The following MS4A5 variants were observed in gnomAD, a reference collection of about 807,000 sequenced individuals.
MS4A5 encodes membrane spanning 4-domains A5, also known as membrane-spanning 4-domains subfamily A member 5.
MS4A5 carries 15 observed loss-of-function variants against 18.2 expected under a neutral mutation model. The ratio of observed to expected loss-of-function variants is 0.83; its 90% confidence interval spans 0.55 to 1.27. The LOEUF (loss-of-function observed/expected upper bound fraction) is 1.27. Ranked by LOEUF, MS4A5 falls within the 50% of genes most tolerant of loss-of-function variation. The pLI is 0.00. For synonymous variants in MS4A5, 89 were observed against 78.7 expected, an observed-to-expected ratio of 1.13 and a Z score of -0.69; for missense variants, 232 against 225.7, an observed-to-expected ratio of 1.03 and a Z score of -0.18.
chr11:60,447,032 C>T (rs1002979408), intron 4 of MS4A5, among the ~76,000 whole-genome samples: 1 of 151,944 alleles, frequency 6.6e-6, no homozygotes, highest in Non-Finnish European at 1.5e-5. Flanking sequence ...ATATGCTATG[C>T]TATGCTATGC....
chr11:60,447,317 A>G (rs201119415), intron 4 of MS4A5, among the ~76,000 whole-genome samples: 9 of 74,794 alleles, frequency 1.2e-4, no homozygotes, highest in Non-Finnish European at 2.7e-4. Flanking sequence ...GTGCTATGCT[A>G]TGCTATGCTA....
intron 4 of MS4A5, among the ~76,000 whole-genome samples, chr11:60,440,109 A>G (rs1272236797): frequency 7.4e-5 from 8 of 108,770 alleles, no homozygotes; most frequent in South Asian, 3.3e-4. Flanking sequence ...CAGAGCCCTC[A>G]GAAATAACGC....
chr11:60,430,701 AT>A, intron 1 of MS4A5, 94 bp from the exon 2 acceptor site: 2 of 1,445,524 alleles, frequency 1.4e-6, no homozygotes, highest in Non-Finnish European at 1.9e-6. Flanking sequence ...AAAGAGAGTA[AT>A]TGCCAAATCC....
At chr11:60,430,330 A>G (rs1214234005) in intron 1 of MS4A5, among the ~76,000 whole-genome samples, 2 of 152,108 alleles carry the variant, frequency 1.3e-5, no homozygotes, top group Non-Finnish European at 2.9e-5. Context: ...CAAGAGGCTC[A>G]GAGAATTGGC....
At chr11:60,430,966 C>G (rs1565186057) in intron 2 of MS4A5, 42 bp downstream of exon 2, 1 of 1,587,416 alleles carries the variant, frequency 6.3e-7, no homozygotes, top group South Asian at 1.2e-5. Context: ...CCATGCCAAC[C>G]AGGATGTTAG....
chr11:60,435,454 C>G (rs892804892), intron 4 of MS4A5: 42 of 427,052 alleles, frequency 9.8e-5, no homozygotes, highest in Middle Eastern at 6.6e-4. Context: ...GGAACAGCTC[C>G]GGTCTACAGC....
chr11:60,444,059 C>G (rs1404662249), intron 4 of MS4A5, among the ~76,000 whole-genome samples: 1 of 152,122 alleles, frequency 6.6e-6, no homozygotes, highest in Non-Finnish European at 1.5e-5. Context: ...AGAAAAGAAA[C>G]AACACCAAAC....
chr11:60,435,771 G>A (rs910152073), intron 4 of MS4A5, among the ~76,000 whole-genome samples: 14 of 152,092 alleles, frequency 9.2e-5, no homozygotes, highest in South Asian at 2.1e-4. Context: ...CACCTGGCTC[G>A]GAGGGTCCTA....
rs143493784 is a variant in MS4A5, at chr11:60,433,637, T to C, written c.340-128T>C. 1,044 of 838,826 alleles carry C rather than the reference T, an allele frequency of 1.2e-3. 3 individuals carry two copies. The highest frequency in any genetic ancestry group is 1.9e-3 in the Non-Finnish European group (970 of 524,236). The allele number at this position is 838,826 out of a possible 1,614,324, so 52.0% of individuals were successfully genotyped here. The stretch of plus-strand genomic sequence containing the variant: ...AAGATGTGAAGCAATTCGCACAGGA[T>C]CACAGAGCTGCCTCGTGGCATTAAG... On this transcript the variant is annotated intron_variant, in intron 3 of 4. Transcript: ENST00000300190.
chr11:60,430,663 G>A (rs2282524), intron 1 of MS4A5, 133 bp from the exon 2 acceptor site: 33,443 of 970,636 alleles, frequency 0.034, 1,916 homozygotes, highest in East Asian at 0.24. Context: ...ATCATAAAGG[G>A]ACTTCTATTA....
At position 60,430,924 on chromosome 11, in the gene MS4A5, G is replaced by T. The variant is rs1297269405; in HGVS notation, c.282G>T (p.Leu94Phe). The change falls in exon 2 of 5, where the codon TTG (leucine) becomes TTT (phenylalanine). Residue 94 changes from leucine (L) to phenylalanine (F), a missense_variant and splice_region_variant. Leu to Phe is a conservative substitution (Grantham distance 22). Coordinates refer to ENST00000300190, the MANE Select transcript of MS4A5 (RefSeq NM_023945.3). ...LSGYPFWGSV[L>F]FINSGAFLIA... ...GATATCCATTCTGGGGCTCTGTTTT[G>T]GTGAGTATAGTCAATCAAGTTCAAT... 9 of 1,610,114 alleles carry T rather than the reference G, an allele frequency of 5.6e-6. No individual in the cohort carries two copies. Among genetic ancestry groups the T allele is most frequent in the Non-Finnish European group, 7.6e-6 (9 of 1,179,320 alleles).
intron 1 of MS4A5, 111 bp from the exon 2 acceptor site, chr11:60,430,685 A>G (rs1236572747): frequency 4.0e-6 from 5 of 1,244,888 alleles, no homozygotes; most frequent in Non-Finnish European, 5.7e-6. Flanking sequence ...TCTTCCCCTA[A>G]TTACCAAAGA....
rs74594524 is a variant in MS4A5 at position 60,447,688 on chromosome 11, T to G, written c.532T>G (p.Leu178Val). The change falls in exon 5 of 5, where the codon TTA (leucine) becomes GTA (valine). Residue 178 changes from leucine to valine, a missense_variant. Physicochemically the swap from Leu to Val is conservative, Grantham distance 32. Transcript: ENST00000300190. The part of the protein sequence containing the change: ...ITLMTFSIIE[L>V]FISLPFSILG... ...ATTGATGACTTTCAGCATTATTGAA[T>G]TATTCATTTCTCTGCCTTTCTCAAT... 10 of 1,593,208 alleles carry G rather than the reference T, an allele frequency of 6.3e-6. No homozygotes were observed. The East Asian group carries it at 1.8e-4, about 29-fold the overall frequency.
chr11:60,442,613 C>T (rs941446980), intron 4 of MS4A5, among the ~76,000 whole-genome samples: 1 of 152,064 alleles, frequency 6.6e-6, no homozygotes, highest in Non-Finnish European at 1.5e-5. Flanking sequence ...ACCTGTGTAA[C>T]CTGCACGTCC....
At chr11:60,442,530 T>C (rs1405416594) in intron 4 of MS4A5, among the ~76,000 whole-genome samples, 1 of 151,976 alleles carries the variant, frequency 6.6e-6, no homozygotes, top group Non-Finnish European at 1.5e-5. Context: ...TTAGAACAAA[T>C]ACCTAATGCG....
rs1375036884 is a variant in MS4A5 at position 60,430,819 on chromosome 11, T to C, written c.177T>C (p.Ile59=). Residue 59 remains isoleucine, a synonymous_variant, in exon 2 of 5, where the codon ATT becomes ATC. Coordinates refer to ENST00000300190, the MANE Select transcript of MS4A5 (RefSeq NM_023945.3). ...AGACTATCCAGATCCTGTTTGGAATTATGACCTTTTCTTTTGGAGTTATCT... is the reference window on the plus strand; with the variant it reads ...AGACTATCCAGATCCTGTTTGGAATCATGACCTTTTCTTTTGGAGTTATCT... The part of the protein sequence containing the change: ...ILGTIQILFG[I]MTFSFGVIFL... The C allele has an allele frequency of 1.2e-6, 2 of 1,613,182 alleles. No homozygotes were observed. Among genetic ancestry groups the C allele is most frequent in the Admixed American group, 1.7e-5 (1 of 59,906 alleles).
At position 60,445,509 on chromosome 11, in the gene MS4A5, C is replaced by G. The variant is rs187118329; in HGVS notation, c.493-2140C>G. Among the ~76,000 whole-genome samples, 11 of 152,260 alleles carry G rather than the reference C, an allele frequency of 7.2e-5. 1 individual carries two copies. The highest frequency in any genetic ancestry group is 7.2e-4 in the Admixed American group (11 of 15,300). On this transcript the variant is annotated intron_variant, in intron 4 of 4. Transcript: ENST00000300190. ...TCCTGAGCTCAGGCAATCCACCAGC[C>G]TCGGCCTCCCAAAGTGCTAGGATTA...
At chr11:60,435,335 A>AG in intron 4 of MS4A5, 1 of 442,708 alleles carries the variant, frequency 2.3e-6, no homozygotes, top group Non-Finnish European at 4.5e-6. Context: ...CAAAAAAAAA[A>AG]TCACCTGTAA....
chr11:60,435,034 G>A (rs187757597), intron 4 of MS4A5, among the ~76,000 whole-genome samples: 1 of 152,310 alleles, frequency 6.6e-6, no homozygotes, highest in African/African-American at 2.4e-5. Context: ...GAGAAGTGTG[G>A]CCACAAGCCA....
Sources: allele counts gnomAD v4.1 joint callset (sites outside exome capture counted in the v4.1 genomes callset), GRCh38; gene constraint gnomAD v4.1.1; transcripts MANE v1.5; gene names NCBI Gene and HGNC (gene_info 2026-07-23, HGNC 2026-07-21).